Variants in HACD2 observed in about 807,000 individuals in gnomAD.
HACD2 encodes very-long-chain (3R)-3-hydroxyacyl-CoA dehydratase 2.
In HACD2, 15 loss-of-function variants were observed where a neutral mutation model predicts 31.0. The observed-to-expected ratio is 0.48, with a 90% CI of 0.32 to 0.75. HACD2 has a LOEUF of 0.75. HACD2 is among the 30% of genes least tolerant of loss of function. The pLI, the probability that HACD2 is intolerant of heterozygous loss-of-function variation, is 0.03. For missense variants in HACD2, 283 were observed against 313.0 expected (o/e 0.90, Z 0.72); for synonymous variants, 115 against 122.2 (o/e 0.94, Z 0.39).
chr3:123,580,200 A>G (rs919144144), intron 2 of HACD2, among the ~76,000 whole-genome samples: 3 of 152,098 alleles, frequency 2.0e-5, no homozygotes, highest in Non-Finnish European at 4.4e-5. Flanking sequence ...GAAAGAAAAA[A>G]AGAAATTCCT....
chr3:123,577,114 G>T (rs768035313), intron 2 of HACD2, among the ~76,000 whole-genome samples: 10 of 152,126 alleles, frequency 6.6e-5, no homozygotes, highest in Non-Finnish European at 1.0e-4. Flanking sequence ...TCAAGTAGAA[G>T]AAAGATCTGG....
chr3:123,521,448 TC>T (rs1292052998), intron 4 of HACD2, among the ~76,000 whole-genome samples: 1 of 152,136 alleles, frequency 6.6e-6, no homozygotes, highest in East Asian at 1.9e-4. Flanking sequence ...TCTCTGGGGC[TC>T]CTAGGTCAGG....
intron 3 of HACD2, among the ~76,000 whole-genome samples, chr3:123,539,011 T>C (rs1263601234): frequency 1.3e-5 from 2 of 152,120 alleles, no homozygotes; most frequent in Non-Finnish European, 2.9e-5. Flanking sequence ...TCATAGGAAT[T>C]TTACCCCTAC....
intron 3 of HACD2, among the ~76,000 whole-genome samples, chr3:123,544,655 T>C (rs977395075): frequency 3.9e-5 from 6 of 152,200 alleles, no homozygotes. Flanking sequence ...TGTTAACTTT[T>C]ATTTACTTTT....
At chr3:123,555,369 T>C in intron 3 of HACD2, among the ~76,000 whole-genome samples, 1 of 151,850 alleles carries the variant, frequency 6.6e-6, no homozygotes, top group South Asian at 2.1e-4. Context: ...ACACACAAAA[T>C]CCTAGAACTA....
intron 3 of HACD2, among the ~76,000 whole-genome samples, chr3:123,543,165 T>TC (rs944402795): frequency 1.2e-3 from 184 of 152,208 alleles, no homozygotes; most frequent in African/African-American, 4.3e-3. Context: ...AAACTGGATT[T>TC]CCCCCCCTCA....
intron 2 of HACD2, among the ~76,000 whole-genome samples, chr3:123,573,045 C>T (rs533400530): frequency 6.6e-6 from 1 of 152,296 alleles, no homozygotes; most frequent in South Asian, 2.1e-4. Flanking sequence ...AGAGAGGATA[C>T]GCTGAGCTGG....
At position 123,500,640 on chromosome 3, in the gene HACD2, G is replaced by A; in HGVS notation, c.557C>T (p.Thr186Ile). 1 of 1,613,394 alleles carries A rather than the reference G, an allele frequency of 6.2e-7. No homozygotes were observed. The highest frequency in any genetic ancestry group is 8.5e-7 in the Non-Finnish European group (1 of 1,179,434). ...YPMGVSGELLTIYAALPFVRQ... is the reference protein window; with the variant it reads ...YPMGVSGELLIIYAALPFVRQ... ...GACAAAGGGCAGAGCTGCATATATT[G>A]TGAGCAGTTCTCCTGACACTCCCAT... Residue 186 changes from threonine (T) to isoleucine (I), a missense_variant, in exon 6 of 7, where the codon ACA (threonine) becomes ATA (isoleucine). Transcript: ENST00000383657.
intron 4 of HACD2, among the ~76,000 whole-genome samples, chr3:123,517,944 GCAC>G (rs1172940529): frequency 0.8 from 7,710 of 9,670 alleles, 3,802 homozygotes; most frequent in Middle Eastern, 1. Context: ...TGTAATCCCA[GCAC>G]TTTGGGAGGC....
At chr3:123,553,765 G>A (rs2056643909) in intron 3 of HACD2, among the ~76,000 whole-genome samples, 1 of 152,092 alleles carries the variant, frequency 6.6e-6, no homozygotes, top group Non-Finnish European at 1.5e-5. Flanking sequence ...AATGAAGAGG[G>A]TGTTCTGGCT....
intron 3 of HACD2, among the ~76,000 whole-genome samples, chr3:123,536,182 T>C (rs1193540004): frequency 2.6e-5 from 4 of 152,340 alleles, no homozygotes; most frequent in African/African-American, 9.6e-5. Context: ...CTTTATAATG[T>C]TTTCATAACC....
intron 3 of HACD2, among the ~76,000 whole-genome samples, chr3:123,529,071 A>G (rs898543510): frequency 6.6e-5 from 10 of 151,824 alleles, no homozygotes; most frequent in African/African-American, 2.4e-4. Flanking sequence ...AATGTCCTCA[A>G]GTTATAACAC....
chr3:123,494,524 C>T lies in HACD2; in HGVS notation c.*364G>A, dbSNP rs1007210494. 1.5e-5 allele frequency: 4 copies of T among 275,822 alleles called. No individual in the cohort carries two copies. Among genetic ancestry groups the T allele is most frequent in the South Asian group, 8.0e-5 (2 of 24,858 alleles). 17.1% of individuals were successfully genotyped at this position (275,822 alleles called of 1,614,324 possible). ...TGCAAGCTGGGCTATTCAGCTGGTA[C>T]GACTTCATTATTCAGACTGTAACTC... On this transcript the variant is annotated 3_prime_UTR_variant, in exon 7 of 7. Transcript: ENST00000383657.
At chr3:123,581,052 C>A (rs1559939006) in intron 2 of HACD2, among the ~76,000 whole-genome samples, 1 of 151,986 alleles carries the variant, frequency 6.6e-6, no homozygotes, top group African/African-American at 2.4e-5. Flanking sequence ...AATCTCCTGA[C>A]CTCGTGATCC....
At chr3:123,569,762 C>T (rs923962654) in intron 2 of HACD2, among the ~76,000 whole-genome samples, 2 of 151,918 alleles carry the variant, frequency 1.3e-5, no homozygotes, top group African/African-American at 2.4e-5. Flanking sequence ...CCGAGGCAGG[C>T]GGATGACCTG....
chr3:123,536,408 GC>G (rs2107714538), intron 3 of HACD2, among the ~76,000 whole-genome samples: 2 of 152,240 alleles, frequency 1.3e-5, no homozygotes, highest in South Asian at 4.1e-4. Context: ...AAGAGACATG[GC>G]AACAACACAA....
At chr3:123,496,908 G>C (rs749163695) in intron 6 of HACD2, among the ~76,000 whole-genome samples, 1 of 152,342 alleles carries the variant, frequency 6.6e-6, no homozygotes, top group Non-Finnish European at 1.5e-5. Flanking sequence ...AGCCCTTGGT[G>C]GCAGTTCAAG....
chr3:123,509,955 C>G (rs2056035919), intron 4 of HACD2, among the ~76,000 whole-genome samples: 1 of 152,006 alleles, frequency 6.6e-6, no homozygotes, highest in African/African-American at 2.4e-5. Flanking sequence ...TTCATCTTAC[C>G]ATCATTTTAA....
At chr3:123,563,630 C>CAA (rs1330128266) in intron 3 of HACD2, among the ~76,000 whole-genome samples, 28 of 137,838 alleles carry the variant, frequency 2.0e-4, no homozygotes, top group South Asian at 4.7e-4. Context: ...TTTGAATTGA[C>CAA]AAAAAAATAT....
Sources: allele counts gnomAD v4.1 joint callset (sites outside exome capture counted in the v4.1 genomes callset), GRCh38; gene constraint gnomAD v4.1.1; transcripts MANE v1.5; gene names NCBI Gene and HGNC (gene_info 2026-07-23, HGNC 2026-07-21).